The following PCDHA1 variants were observed in gnomAD, a reference collection of about 807,000 sequenced individuals.
PCDHA1 encodes the protein protocadherin alpha-1.
In PCDHA1, 42 loss-of-function variants were observed where a neutral mutation model predicts 61.3. The ratio of observed to expected loss-of-function variants is 0.69; its 90% CI spans 0.54 to 0.89. PCDHA1 has a LOEUF of 0.89. PCDHA1 is among the 40% of genes least tolerant of loss of function. The pLI is 0.00. For missense variants in PCDHA1, 1,256 were observed against 1,235.3 expected (o/e 1.02, Z -0.25); for synonymous variants, 610 against 553.8 (o/e 1.10, Z -1.43).
intron 1 of PCDHA1, chr5:140,795,739 AC>A: frequency 6.2e-7 from 1 of 1,614,070 alleles, no homozygotes; most frequent in Non-Finnish European, 8.5e-7. Context: ...GGCAAATGGG[AC>A]CTTAGTGGTT....
chr5:140,863,783 G>C, intron 1 of PCDHA1: 1 of 226,522 alleles, frequency 4.4e-6, no homozygotes, highest in Non-Finnish European at 8.8e-6. Context: ...CGGATCACTC[G>C]AGGCCAGGAG....
chr5:140,788,877 G>T lies in PCDHA1; in HGVS notation c.2394+193G>T, dbSNP rs1287703220. The stretch of plus-strand genomic sequence containing the variant: ...GAACTAGAAAGCAAAGAAAAATGTA[G>T]GGACAAATTGTCGTATTTCTTGATT... On this transcript the variant is annotated intron_variant, in intron 1 of 3. Coordinates refer to ENST00000504120, the MANE Select transcript of PCDHA1 (RefSeq NM_018900.4). 5 of 1,317,786 alleles carry T rather than the reference G, an allele frequency of 3.8e-6. No homozygotes were observed. In the African/African-American group the frequency reaches 4.5e-5, roughly 12 times the overall value. 81.6% of individuals were successfully genotyped at this position (1,317,786 alleles called of 1,614,324 possible).
At chr5:140,843,478 T>C in intron 1 of PCDHA1, 1 of 1,595,862 alleles carries the variant, frequency 6.3e-7, no homozygotes, top group Non-Finnish European at 8.6e-7. Flanking sequence ...TGCTGTACAC[T>C]GCGCTGCGGT....
chr5:140,929,162 G>T (rs2153599635), intron 1 of PCDHA1: 4 of 1,614,060 alleles, frequency 2.5e-6, no homozygotes, highest in Non-Finnish European at 3.4e-6. Context: ...TATCTCTATC[G>T]GGCCTCTCTG....
intron 1 of PCDHA1, chr5:140,868,892 A>G (rs1450985948): frequency 3.9e-6 from 3 of 760,982 alleles, no homozygotes; most frequent in Non-Finnish European, 4.1e-6. Context: ...TTTTAGGCGC[A>G]AGGTGTCGCT....
At chr5:140,801,873 A>G (rs782622621) in intron 1 of PCDHA1, 2 of 1,614,014 alleles carry the variant, frequency 1.2e-6, no homozygotes, top group East Asian at 4.5e-5. Flanking sequence ...CACTGGCACG[A>G]CTCAACTAAA....
chr5:140,850,137 A>G, intron 1 of PCDHA1: 1 of 1,595,786 alleles, frequency 6.3e-7, no homozygotes, highest in South Asian at 1.1e-5. Flanking sequence ...TCTGGGCAGC[A>G]ACGTGACGCT....
chr5:140,809,625 C>A (rs782420889), intron 1 of PCDHA1: 3 of 1,508,084 alleles, frequency 2.0e-6, no homozygotes, highest in Non-Finnish European at 1.8e-6. Flanking sequence ...TCTCTATCAA[C>A]TTCTTCGTAA....
At chr5:140,834,099 A>C in intron 1 of PCDHA1, 1 of 391,774 alleles carries the variant, frequency 2.6e-6, no homozygotes, top group Non-Finnish European at 4.5e-6. Context: ...CAATGAAGAA[A>C]AAAATTCAGA....
At position 140,877,676 on chromosome 5, in the gene PCDHA1, G is replaced by A. The variant is rs781985023; in HGVS notation, c.2394+88992G>A. ...CCCACCGTGAGCCGGTGCGCGCCGG[G>A]CAAGCCCACGCTGGTGTGCTCCAGC... On this transcript the variant is annotated intron_variant, in intron 1 of 3. Coordinates refer to ENST00000504120, the MANE Select transcript of PCDHA1 (RefSeq NM_018900.4). The A allele has an allele frequency of 8.7e-6, 14 of 1,613,488 alleles. No homozygotes were observed. The African/African-American group carries it at 1.2e-4, about 14-fold the overall frequency.
chr5:140,882,178 C>A (rs2058992068), intron 1 of PCDHA1: 1 of 1,517,822 alleles, frequency 6.6e-7, no homozygotes, highest in Non-Finnish European at 8.8e-7. Flanking sequence ...TCCTTCCGCA[C>A]TAGGAAGCCA....
chr5:140,838,785 G>T (rs1377417578), intron 1 of PCDHA1, among the ~76,000 whole-genome samples: 2 of 151,968 alleles, frequency 1.3e-5, no homozygotes, highest in Non-Finnish European at 2.9e-5. Context: ...AGCTATGCAT[G>T]GTGATGCATG....
intron 1 of PCDHA1, chr5:140,875,498 C>A (rs782226561): frequency 1.9e-6 from 3 of 1,613,292 alleles, no homozygotes; most frequent in East Asian, 4.5e-5. Flanking sequence ...CCAAGAGGCC[C>A]GGGATCCCAG....
At chr5:140,872,392 T>C (rs2053635930) in intron 1 of PCDHA1, among the ~76,000 whole-genome samples, 1 of 152,152 alleles carries the variant, frequency 6.6e-6, no homozygotes, top group African/African-American at 2.4e-5. Flanking sequence ...TTTGGGAGGC[T>C]GAGGCAGGAG....
chr5:140,874,187 C>A (rs1554167080), intron 1 of PCDHA1, among the ~76,000 whole-genome samples: 1 of 152,168 alleles, frequency 6.6e-6, no homozygotes, highest in Non-Finnish European at 1.5e-5. Context: ...GTAAAGGTGT[C>A]ATATTTCAGT....
At chr5:140,968,992 T>C in intron 1 of PCDHA1, 1 of 1,614,220 alleles carries the variant, frequency 6.2e-7, no homozygotes, top group Non-Finnish European at 8.5e-7. Flanking sequence ...CTGCATGCTG[T>C]GGAGGCTTCT....
intron 1 of PCDHA1, chr5:140,876,644 C>G: frequency 2.5e-6 from 4 of 1,614,200 alleles, no homozygotes; most frequent in Non-Finnish European, 3.4e-6. Context: ...TCACTGACAC[C>G]TCATGTTCCC....
intron 1 of PCDHA1, chr5:140,966,215 A>G (rs1554228144): frequency 4.1e-6 from 1 of 244,868 alleles, no homozygotes; most frequent in Non-Finnish European, 7.7e-6. Flanking sequence ...CTTTTCCCAG[A>G]CTAATCTCCT....
intron 1 of PCDHA1, among the ~76,000 whole-genome samples, chr5:140,791,986 A>G (rs1761688831): frequency 6.6e-6 from 1 of 152,208 alleles, no homozygotes; most frequent in East Asian, 1.9e-4. Context: ...GGCTGATGCA[A>G]CAAATTACCA....
Sources: gnomAD v4.1 joint callset for allele counts (sites outside exome capture counted in the v4.1 genomes callset) on GRCh38, gnomAD v4.1.1 for gene constraint, MANE v1.5 for transcripts, NCBI Gene and HGNC (gene_info 2026-07-23, HGNC 2026-07-21) for gene names.